Variants in CNTNAP2 observed in about 807,000 individuals in gnomAD.
CNTNAP2 encodes contactin associated protein 2, also known as contactin-associated protein-like 2.
In CNTNAP2, 98 loss-of-function variants were observed where a neutral mutation model predicts 155.2. The observed-to-expected ratio is 0.63, with a 90% CI of 0.54 to 0.75. The LOEUF is 0.75. CNTNAP2 is among the 30% of genes least tolerant of loss of function. The probability of loss-of-function intolerance (pLI) is 0.00; values close to 1 mark genes in which losing one functional copy is unlikely to be tolerated. For missense variants in CNTNAP2, 1,727 were observed against 1,688.1 expected, an observed-to-expected ratio of 1.02 and a Z score of -0.40; for synonymous variants, 651 against 631.2, an observed-to-expected ratio of 1.03 and a Z score of -0.47.
At chr7:146,869,355 A>C (rs1795263603) in intron 3 of CNTNAP2, among the ~76,000 whole-genome samples, 10 of 152,168 alleles carry the variant, frequency 6.6e-5, no homozygotes, top group Admixed American at 6.6e-4. Flanking sequence ...ATAACCTTGC[A>C]TCCCGGGCAT....
At chr7:148,409,254 A>G in intron 22 of CNTNAP2, 137 bp from the exon 23 acceptor site, 1 of 718,668 alleles carries the variant, frequency 1.4e-6, no homozygotes, top group Non-Finnish European at 2.5e-6. Flanking sequence ...GACAATGGCA[A>G]GACGGGTCCA....
chr7:148,070,607 A>T (rs1415013113), intron 15 of CNTNAP2, among the ~76,000 whole-genome samples: 1 of 152,188 alleles, frequency 6.6e-6, no homozygotes, highest in African/African-American at 2.4e-5. Context: ...AGTCCCAGCT[A>T]CTTGGGAGGC....
At chr7:147,317,394 G>A (rs1308178976) in intron 9 of CNTNAP2, among the ~76,000 whole-genome samples, 2 of 152,212 alleles carry the variant, frequency 1.3e-5, no homozygotes, top group Non-Finnish European at 2.9e-5. Context: ...CAAGGACCTT[G>A]CATCGTATGG....
chr7:146,842,219 G>A (rs1476314522), intron 3 of CNTNAP2, among the ~76,000 whole-genome samples: 2 of 152,026 alleles, frequency 1.3e-5, no homozygotes, highest in South Asian at 2.1e-4. Flanking sequence ...AATAATAATG[G>A]TTGAGTCGGG....
chr7:147,034,387 C>T lies in CNTNAP2; in HGVS notation c.403-9520C>T, dbSNP rs760322277. Among the ~76,000 whole-genome samples, 32 of 152,112 alleles carry T rather than the reference C, an allele frequency of 2.1e-4. 1 individual carries two copies. The highest frequency in any genetic ancestry group is 6.5e-5 in the Admixed American group (1 of 15,276). On this transcript the variant is annotated intron_variant, in intron 3 of 23. Coordinates refer to ENST00000361727, the MANE Select transcript of CNTNAP2 (RefSeq NM_014141.6). ...CTTCTTCAGTGCTCCCCTGCTCAAA[C>T]CCATAGGGAGAGCGTGCAGATGGGC... is the stretch of plus-strand genomic sequence containing the variant.
intron 21 of CNTNAP2, among the ~76,000 whole-genome samples, chr7:148,293,301 A>G (rs1209937460): frequency 6.6e-6 from 1 of 152,210 alleles, no homozygotes; most frequent in East Asian, 1.9e-4. Flanking sequence ...AAAGTTAGAT[A>G]TGACTTGGTT....
intron 3 of CNTNAP2, among the ~76,000 whole-genome samples, chr7:146,976,451 G>A (rs1797913452): frequency 6.6e-6 from 1 of 152,164 alleles, no homozygotes; most frequent in Non-Finnish European, 1.5e-5. Flanking sequence ...CTGTAAGTCA[G>A]GGATCCCACC....
intron 2 of CNTNAP2, among the ~76,000 whole-genome samples, chr7:146,810,626 G>A (rs559846023): frequency 1.4e-5 from 2 of 147,956 alleles, no homozygotes; most frequent in South Asian, 4.3e-4. Context: ...CTTTCTATCT[G>A]TTTTTTTTTT....
intron 3 of CNTNAP2, among the ~76,000 whole-genome samples, chr7:146,896,817 T>C (rs1354730603): frequency 6.6e-6 from 1 of 152,138 alleles, no homozygotes; most frequent in African/African-American, 2.4e-5. Context: ...AATAAAATTA[T>C]AACTAGTAAA....
In CNTNAP2 at chr7:148,409,456, T is replaced by G. The variant is rs754580386; in HGVS notation, c.3781T>G (p.Ser1261Ala). 3.8e-5 allele frequency: 61 copies of G among 1,613,802 alleles called. No individual in the cohort carries two copies. The South Asian group carries it at 6.5e-4, about 17-fold the overall frequency. The stretch of plus-strand genomic sequence containing the variant: ...TATAAGAAATGGAGTCAACAGAAAC[T>G]CGGCTATCATTGGAGGTAGGTGATG... ...QAIRNGVNRNSAIIGGVIAVV... is the reference protein window; with the variant it reads ...QAIRNGVNRNAAIIGGVIAVV... Residue 1261 changes from serine (S) to alanine (A), a missense_variant, in exon 23 of 24, where the codon TCG becomes GCG. Physicochemically the swap from Ser to Ala is moderately conservative, Grantham distance 99. Transcript: ENST00000361727.
intron 15 of CNTNAP2, among the ~76,000 whole-genome samples, chr7:148,073,933 T>C (rs1305729365): frequency 6.6e-6 from 1 of 152,196 alleles, no homozygotes; most frequent in African/African-American, 2.4e-5. Flanking sequence ...ACTTCCATAC[T>C]TGAATGTGCT....
rs531121914 is a variant in CNTNAP2, at chr7:146,275,264, G to A, written c.97+158291G>A. ...CACTTATTGTTTATAATATTTATTT[G>A]TAATCATTCAATTGTAGAACTTTTT... is the stretch of plus-strand genomic sequence containing the variant. On this transcript the variant is annotated intron_variant, in intron 1 of 23. Coordinates refer to ENST00000361727, the MANE Select transcript of CNTNAP2 (RefSeq NM_014141.6). 2.0e-3 allele frequency among the ~76,000 whole-genome samples: 308 copies of A among 152,020 alleles called. 3 individuals are homozygous for A. Among genetic ancestry groups the A allele is most frequent in the African/African-American group, 7.0e-3 (289 of 41,442 alleles).
intron 1 of CNTNAP2, among the ~76,000 whole-genome samples, chr7:146,300,284 CCTTAA>C (rs1195496591): frequency 2.6e-5 from 4 of 152,062 alleles, no homozygotes; most frequent in African/African-American, 9.7e-5. Context: ...TAAATCGTGT[CCTTAA>C]CTTAGTATAA....
chr7:147,096,866 C>G (rs1211977507), intron 4 of CNTNAP2, among the ~76,000 whole-genome samples: 1 of 152,170 alleles, frequency 6.6e-6, no homozygotes, highest in African/African-American at 2.4e-5. Flanking sequence ...CACGAGCAGA[C>G]CACAGAGTAC....
intron 3 of CNTNAP2, among the ~76,000 whole-genome samples, chr7:147,018,210 C>T (rs1413070478): frequency 6.6e-6 from 1 of 151,984 alleles, no homozygotes; most frequent in African/African-American, 2.4e-5. Flanking sequence ...CACATAAAAT[C>T]CAATAAAAGT....
At chr7:148,291,106 G>A (rs890907401) in intron 21 of CNTNAP2, among the ~76,000 whole-genome samples, 14 of 151,932 alleles carry the variant, frequency 9.2e-5, no homozygotes, top group African/African-American at 3.4e-4. Context: ...ACAGAGAAGA[G>A]GATTTGAGAC....
At chr7:146,932,691 T>C (rs1329799421) in intron 3 of CNTNAP2, among the ~76,000 whole-genome samples, 2 of 152,280 alleles carry the variant, frequency 1.3e-5, no homozygotes, top group East Asian at 1.9e-4. Context: ...GAAAACCCCA[T>C]TGTCTCAGCC....
intron 3 of CNTNAP2, among the ~76,000 whole-genome samples, chr7:146,892,021 A>C (rs979060581): frequency 2.0e-5 from 3 of 152,194 alleles, no homozygotes; most frequent in African/African-American, 7.2e-5. Context: ...TGAAAAACTT[A>C]GTAGCTTTAA....
intron 9 of CNTNAP2, among the ~76,000 whole-genome samples, chr7:147,380,693 A>G (rs2140807): frequency 0.22 from 32,954 of 152,072 alleles, 4,326 homozygotes; most frequent in African/African-American, 0.37. Context: ...TGGCTTTGCT[A>G]TTGATTTGAA....
Sources: allele counts gnomAD v4.1 joint callset (sites outside exome capture counted in the v4.1 genomes callset), GRCh38; gene constraint gnomAD v4.1.1; transcripts MANE v1.5; gene names NCBI Gene and HGNC (gene_info 2026-07-23, HGNC 2026-07-21).